Variants in DPP6 observed in about 807,000 individuals in gnomAD.
The protein encoded by DPP6 is A-type potassium channel modulatory protein DPP6.
Under a neutral mutation model 122.6 loss-of-function variants are expected in DPP6, and 69 were observed. That is an observed-to-expected ratio of 0.56 (90% CI 0.46 to 0.69). The LOEUF (loss-of-function observed/expected upper bound fraction) is 0.69. DPP6 is among the 30% of genes least tolerant of loss of function. The pLI, the probability that DPP6 is intolerant of heterozygous loss-of-function variation, is 0.00. For synonymous variants in DPP6, 418 were observed against 433.1 expected, an observed-to-expected ratio of 0.97 and a Z score of 0.43; for missense variants, 928 against 1,116.9, an observed-to-expected ratio of 0.83 and a Z score of 2.41.
intron 5 of DPP6, among the ~76,000 whole-genome samples, chr7:154,578,259 T>G (rs1831813475): frequency 6.6e-6 from 1 of 152,090 alleles, no homozygotes; most frequent in African/African-American, 2.4e-5. Flanking sequence ...TCTCTCTTGG[T>G]GTTTTTCACA....
the DPP6 span, among the ~76,000 whole-genome samples, chr7:153,825,090 A>C: frequency 2.0e-5 from 3 of 151,902 alleles, no homozygotes; most frequent in Admixed American, 6.6e-5. Context: ...GTGACACCCC[A>C]TCTGTTTCTG....
intron 8 of DPP6, among the ~76,000 whole-genome samples, chr7:154,728,776 G>T (rs1179681427): frequency 6.6e-6 from 1 of 152,210 alleles, no homozygotes; most frequent in African/African-American, 2.4e-5. Context: ...GTACATGGCT[G>T]TCTTCTTATG....
At position 154,686,690 on chromosome 7, in the gene DPP6, A is replaced by C. The variant is rs911341164; in HGVS notation, c.762+17249A>C. On this transcript the variant is annotated intron_variant, in intron 7 of 25. Transcript: ENST00000377770. Reference sequence around the variant, plus strand: ...CATTCCTCACATCCCAGGGGTGTGCAGAGCCCTTTCAGAGCTGGATCAAAC... The same window carrying C: ...CATTCCTCACATCCCAGGGGTGTGCCGAGCCCTTTCAGAGCTGGATCAAAC... Among the ~76,000 whole-genome samples the C allele has an allele frequency of 3.3e-5, 5 of 152,330 alleles. 1 individual carries two copies. The highest frequency in any genetic ancestry group is 2.6e-4 in the Admixed American group (4 of 15,304).
In DPP6 at chr7:154,114,908, T is replaced by C. The variant is rs1585406853; in HGVS notation, c.243+61845T>C. Reference sequence around the variant, plus strand: ...CCATGGGTCTCATTCTAAAACATCCTTGCCTTCAAATACAGGCATGAGGCA... The same window carrying C: ...CCATGGGTCTCATTCTAAAACATCCCTGCCTTCAAATACAGGCATGAGGCA... On this transcript the variant is annotated intron_variant, in intron 1 of 25. Coordinates refer to ENST00000377770, the MANE Select transcript of DPP6 (RefSeq NM_130797.4). 2.6e-5 allele frequency among the ~76,000 whole-genome samples: 4 copies of C among 152,126 alleles called. No homozygotes were observed. The East Asian group carries it at 5.8e-4, about 22-fold the overall frequency.
chr7:154,533,516 A>C (rs1355417069), intron 3 of DPP6, among the ~76,000 whole-genome samples: 2 of 152,246 alleles, frequency 1.3e-5, no homozygotes, highest in Admixed American at 6.5e-5. Flanking sequence ...TTAAGGCAAA[A>C]ATAATAAAAA....
chr7:153,832,844 T>C, the DPP6 span, among the ~76,000 whole-genome samples: 3 of 152,344 alleles, frequency 2.0e-5, no homozygotes, highest in East Asian at 1.9e-4. Context: ...CTTTGAGTAA[T>C]TTTTATTCTT....
Position 154,835,997 on chromosome 7 carries a change from C to G in DPP6, c.1667-17783C>G, listed in dbSNP as rs370573391. Among the ~76,000 whole-genome samples, 65 of 152,308 alleles carry G rather than the reference C, an allele frequency of 4.3e-4. No individual in the cohort carries two copies. The East Asian group carries it at 0.012, about 28-fold the overall frequency. ...GATTTTAAAGCGGTTTGTGTCCCAG[C>G]AGTGGGCCCTGTAATGAGCACCTCA... On this transcript the variant is annotated intron_variant, in intron 16 of 25. Transcript: ENST00000377770.
chr7:154,561,976 C>T (rs1830452781), intron 4 of DPP6, among the ~76,000 whole-genome samples: 1 of 152,076 alleles, frequency 6.6e-6, no homozygotes, highest in African/African-American at 2.4e-5. Context: ...AAACTCAAGG[C>T]CCAAATTGAT....
chr7:154,119,366 G>A (rs1041314312), intron 1 of DPP6, among the ~76,000 whole-genome samples: 8 of 152,116 alleles, frequency 5.3e-5, no homozygotes, highest in Non-Finnish European at 1.2e-4. Context: ...AAGAACAAGT[G>A]GCCGGGTTCC....
chr7:154,853,986 C>T (rs971996740), intron 17 of DPP6, among the ~76,000 whole-genome samples, 159 bp downstream of exon 17: 3 of 152,110 alleles, frequency 2.0e-5, no homozygotes, highest in South Asian at 2.1e-4. Flanking sequence ...CCAATATCAA[C>T]GAAATATGAT....
chr7:154,751,759 G>A (rs1300463525), intron 8 of DPP6, among the ~76,000 whole-genome samples: 4 of 152,172 alleles, frequency 2.6e-5, no homozygotes, highest in Admixed American at 6.5e-5. Context: ...CAGCGCCCCC[G>A]AGGCAGGGAC....
At chr7:154,716,798 T>C (rs1434508225) in intron 7 of DPP6, among the ~76,000 whole-genome samples, 1 of 150,890 alleles carries the variant, frequency 6.6e-6, no homozygotes, top group African/African-American at 2.5e-5. Flanking sequence ...ACTTATTTAA[T>C]GTGGTACAGT....
chr7:154,649,230 C>T (rs1044838115), intron 6 of DPP6, among the ~76,000 whole-genome samples: 1 of 152,162 alleles, frequency 6.6e-6, no homozygotes, highest in African/African-American at 2.4e-5. Context: ...TTGTTTTTCA[C>T]TGCTGAGGAG....
At chr7:154,365,045 A>G (rs1031666534) in intron 1 of DPP6, among the ~76,000 whole-genome samples, 5 of 152,176 alleles carry the variant, frequency 3.3e-5, no homozygotes, top group Non-Finnish European at 7.3e-5. Context: ...CCGGGCTTAT[A>G]CCACCAAATA....
Position 153,914,902 on chromosome 7 carries a change from C to T in DPP6, c.51+27168C>T, listed in dbSNP as rs77956477. On this transcript the variant is annotated intron_variant, in intron 1 of 25. Transcript: ENST00000404039. Reference sequence around the variant, plus strand: ...GTGGGGCTCACCTCTCCCATCTCTCCCAGTCTCATCCATAACTGGGTCTGA... The same window carrying T: ...GTGGGGCTCACCTCTCCCATCTCTCTCAGTCTCATCCATAACTGGGTCTGA... 5.4e-3 allele frequency among the ~76,000 whole-genome samples: 823 copies of T among 152,256 alleles called. 13 individuals are homozygous for T. Among genetic ancestry groups the T allele is most frequent in the African/African-American group, 0.019 (774 of 41,550 alleles).
intron 10 of DPP6, among the ~76,000 whole-genome samples, chr7:154,785,243 T>C (rs1165388475): frequency 6.6e-6 from 1 of 152,152 alleles, no homozygotes; most frequent in Non-Finnish European, 1.5e-5. Context: ...AAAACAACAG[T>C]CTCTTCCCTC....
At chr7:154,463,162 C>G (rs58408267) in intron 2 of DPP6, among the ~76,000 whole-genome samples, 28,486 of 146,172 alleles carry the variant, frequency 0.19, 3,207 homozygotes, top group East Asian at 0.31. Context: ...TAAGTTGCAA[C>G]ACAAAGTGCT....
At chr7:154,207,176 A>G (rs1442052962) in intron 1 of DPP6, among the ~76,000 whole-genome samples, 2 of 152,232 alleles carry the variant, frequency 1.3e-5, no homozygotes, top group Non-Finnish European at 2.9e-5. Flanking sequence ...AAAAGTTCTA[A>G]TGACTGTCTG....
At chr7:154,010,721 G>A (rs190816485) in intron 1 of DPP6, among the ~76,000 whole-genome samples, 23 of 152,276 alleles carry the variant, frequency 1.5e-4, no homozygotes, top group Non-Finnish European at 2.5e-4. Flanking sequence ...TTGACTTGGG[G>A]AAATTTAGAC....
Sources: gnomAD v4.1 joint callset for allele counts (sites outside exome capture counted in the v4.1 genomes callset) on GRCh38, gnomAD v4.1.1 for gene constraint, MANE v1.5 for transcripts, NCBI Gene and HGNC (gene_info 2026-07-23, HGNC 2026-07-21) for gene names.